The following MAPRE1 variants were observed in gnomAD, a reference collection of about 807,000 sequenced individuals.
The protein encoded by MAPRE1 is microtubule associated protein RP/EB family member 1.
MAPRE1 carries 5 observed loss-of-function variants against 32.1 expected under a neutral mutation model. That is an observed-to-expected ratio of 0.16 (90% CI 0.08 to 0.33). The LOEUF is 0.33. Among genes scored for constraint, MAPRE1 ranks in the 10% least tolerant of loss-of-function variants. The pLI is 1.00. For synonymous variants in MAPRE1, 122 were observed against 118.9 expected (o/e 1.03, Z -0.17); for missense variants, 209 against 327.2 (o/e 0.64, Z 2.79).
intron 2 of MAPRE1, among the ~76,000 whole-genome samples, chr20:32,830,506 G>C (rs1982986447): frequency 1.3e-5 from 2 of 152,170 alleles, no homozygotes; most frequent in Admixed American, 6.6e-5. Context: ...CCAGGCCTGA[G>C]AAGCATCTTT....
At chr20:32,841,631 A>C (rs1253770456) in intron 5 of MAPRE1, among the ~76,000 whole-genome samples, 22 of 78,710 alleles carry the variant, frequency 2.8e-4, no homozygotes, top group African/African-American at 1.1e-3. Context: ...CCCACCGCAC[A>C]ACAGTCCCCA....
At chr20:32,820,699 A>G (rs1479438108) in intron 1 of MAPRE1, among the ~76,000 whole-genome samples, 1 of 152,114 alleles carries the variant, frequency 6.6e-6, no homozygotes, top group Non-Finnish European at 1.5e-5. Context: ...CTCTCCAGGA[A>G]TCCACATTAT....
intron 6 of MAPRE1, among the ~76,000 whole-genome samples, chr20:32,847,609 T>C (rs1983538302): frequency 6.6e-6 from 1 of 152,364 alleles, no homozygotes; most frequent in South Asian, 2.1e-4. Context: ...GAGCTTGCTC[T>C]GTGCTATGTA....
intron 5 of MAPRE1, among the ~76,000 whole-genome samples, chr20:32,846,286 G>A (rs1983503646): frequency 6.6e-6 from 1 of 152,162 alleles, no homozygotes; most frequent in Non-Finnish European, 1.5e-5. Context: ...CCTTGGTAAG[G>A]ACTCAGTTTA....
In MAPRE1 at chr20:32,848,836, T is replaced by G. The variant is rs1983575376; in HGVS notation, c.*108T>G. The G allele has an allele frequency of 1.1e-6, 1 of 933,984 alleles. No homozygotes were observed. Among genetic ancestry groups the G allele is most frequent in the Non-Finnish European group, 1.6e-6 (1 of 639,442 alleles). The allele number at this position is 933,984 out of a possible 1,614,324, so 57.9% of individuals were successfully genotyped here. A position where few individuals can be genotyped will look rare whatever the true frequency, so the allele number is the denominator to read the frequency against. ...TAGAGGACTCACTGGTTTCTTTTCA[T>G]AAGCAAAAAGTACCTCTTCTTAAAG... On this transcript the variant is annotated 3_prime_UTR_variant, in exon 7 of 7. Coordinates refer to ENST00000375571, the MANE Select transcript of MAPRE1 (RefSeq NM_012325.3).
intron 2 of MAPRE1, among the ~76,000 whole-genome samples, chr20:32,828,574 C>T (rs1233752224): frequency 6.6e-6 from 1 of 152,236 alleles, no homozygotes; most frequent in Non-Finnish European, 1.5e-5. Flanking sequence ...AGTTCTTCAT[C>T]TGTGAACTGG....
Position 32,846,650 on chromosome 20 carries a change from G to A in MAPRE1, c.630G>A (p.Leu210=), listed in dbSNP as rs981306242. 4 of 1,613,984 alleles carry A rather than the reference G, an allele frequency of 2.5e-6. No individual in the cohort carries two copies. In the African/African-American group the frequency reaches 4.0e-5, roughly 16 times the overall value. ...VNVLKLTVED[L]EKERDFYFGK... is the part of the protein sequence containing the mutation. ...TATTGAAACTTACTGTTGAAGACTT[G>A]GAGAAAGAGAGGGATTTCTACTTCG... The change falls in exon 6 of 7, where the codon TTG becomes TTA. Residue 210 remains leucine (L), a synonymous_variant. Transcript: ENST00000375571.
intron 6 of MAPRE1, among the ~76,000 whole-genome samples, chr20:32,847,806 A>G (rs1004879582): frequency 8.5e-5 from 13 of 152,188 alleles, no homozygotes; most frequent in African/African-American, 2.9e-4. Flanking sequence ...CCATGCCAGA[A>G]TGCCCTGTAG....
chr20:32,824,589 G>A (rs1982790289), intron 1 of MAPRE1, among the ~76,000 whole-genome samples: 1 of 152,130 alleles, frequency 6.6e-6, no homozygotes, highest in Admixed American at 6.5e-5. Flanking sequence ...TAACTACAAG[G>A]ATTCTTCACC....
chr20:32,830,145 C>G (rs1982976832), intron 2 of MAPRE1, among the ~76,000 whole-genome samples: 2 of 152,134 alleles, frequency 1.3e-5, no homozygotes, highest in South Asian at 4.1e-4. Context: ...TCCAGCCTGG[C>G]TTCCTTTATG....
At chr20:32,833,191 C>A (rs1054607563) in intron 2 of MAPRE1, among the ~76,000 whole-genome samples, 1 of 151,666 alleles carries the variant, frequency 6.6e-6, no homozygotes, top group African/African-American at 2.4e-5. Context: ...GACAGTGAGA[C>A]CCTGTTTCGA....
intron 5 of MAPRE1, among the ~76,000 whole-genome samples, chr20:32,843,671 G>A (rs1392327529): frequency 1.3e-5 from 2 of 152,186 alleles, no homozygotes; most frequent in Non-Finnish European, 2.9e-5. Context: ...GTGTGTATGT[G>A]ATACTTGTAG....
intron 4 of MAPRE1, among the ~76,000 whole-genome samples, chr20:32,837,462 G>A (rs537671313): frequency 1.7e-4 from 26 of 152,240 alleles, no homozygotes; most frequent in Non-Finnish European, 3.2e-4. Flanking sequence ...AAAGGGTATG[G>A]GCTTGGTAGC....
At chr20:32,828,800 T>C (rs982796352) in intron 2 of MAPRE1, among the ~76,000 whole-genome samples, 1 of 152,190 alleles carries the variant, frequency 6.6e-6, no homozygotes, top group African/African-American at 2.4e-5. Flanking sequence ...ACAGCCCACA[T>C]GCATCCTGCT....
chr20:32,821,986 T>TTTGACTAGACTTGGTCTTGAC (rs1568874405), intron 1 of MAPRE1, among the ~76,000 whole-genome samples: 1 of 151,916 alleles, frequency 6.6e-6, no homozygotes, highest in Non-Finnish European at 1.5e-5. Flanking sequence ...TCTGTTTTGA[T>TTTGACTAGACTTGGTCTTGAC]TGTCAGGAGG....
At chr20:32,840,202 G>A (rs891099754) in intron 5 of MAPRE1, among the ~76,000 whole-genome samples, 15 of 152,168 alleles carry the variant, frequency 9.9e-5, no homozygotes, top group Admixed American at 8.5e-4. Flanking sequence ...AAAGGATTCC[G>A]CAGTCTCTCT....
At chr20:32,831,295 C>G (rs866085155) in intron 2 of MAPRE1, among the ~76,000 whole-genome samples, 1 of 152,018 alleles carries the variant, frequency 6.6e-6, no homozygotes, top group African/African-American at 2.4e-5. Context: ...GAAAAAGAAA[C>G]ATGAAGAGAA....
chr20:32,828,311 A>G (rs1982923575), intron 2 of MAPRE1, among the ~76,000 whole-genome samples: 1 of 152,240 alleles, frequency 6.6e-6, no homozygotes, highest in Non-Finnish European at 1.5e-5. Context: ...AGGTCATCCT[A>G]GTTTTCACTG....
intron 2 of MAPRE1, among the ~76,000 whole-genome samples, chr20:32,832,703 A>G (rs1007352298): frequency 6.6e-6 from 1 of 151,904 alleles, no homozygotes; most frequent in Admixed American, 6.6e-5. Context: ...GCTGGACTCA[A>G]GTGATCCACC....
Sources: gnomAD v4.1 joint callset for allele counts (sites outside exome capture counted in the v4.1 genomes callset) on GRCh38, gnomAD v4.1.1 for gene constraint, MANE v1.5 for transcripts, NCBI Gene and HGNC (gene_info 2026-07-23, HGNC 2026-07-21) for gene names.